The following PTPN21 variants were observed in gnomAD, a reference collection of about 807,000 sequenced individuals.
The protein encoded by PTPN21 is tyrosine-protein phosphatase non-receptor type 21.
A neutral mutation model predicts 131.8 loss-of-function variants in PTPN21; 77 were observed. The ratio of observed to expected loss-of-function variants is 0.58; its 90% CI spans 0.49 to 0.71. The LOEUF (loss-of-function observed/expected upper bound fraction) is 0.71, where lower values mean the gene tolerates loss of function less well. PTPN21 is among the 30% of genes least tolerant of loss of function. The pLI, the probability that PTPN21 is intolerant of heterozygous loss-of-function variation, is 0.00. For missense variants in PTPN21, 1,552 were observed against 1,527.1 expected (o/e 1.02, Z -0.27); for synonymous variants, 715 against 621.3 (o/e 1.15, Z -2.24).
chr14:88,541,109 C>T (rs1232768844), intron 2 of PTPN21, among the ~76,000 whole-genome samples: 4 of 152,190 alleles, frequency 2.6e-5, no homozygotes, highest in Admixed American at 6.5e-5. Context: ...ACACTATACA[C>T]CTTTTAATGA....
chr14:88,467,925 C>T lies in PTPN21; in HGVS notation c.*212G>A, dbSNP rs1037329741. On this transcript the variant is annotated 3_prime_UTR_variant, in exon 19 of 19. Coordinates refer to ENST00000556564, the MANE Select transcript of PTPN21 (RefSeq NM_007039.4). ...CAGGGCAAGGCCCTTGAAACCAAGT[C>T]CTCCTTGAGCACCTTTCCCAGGTTA... 2 of 656,276 alleles carry T rather than the reference C, an allele frequency of 3.0e-6. No individual in the cohort carries two copies. The highest frequency in any genetic ancestry group is 5.2e-5 in the Admixed American group (2 of 38,658). 40.7% of individuals were successfully genotyped at this position (656,276 alleles called of 1,614,324 possible).
chr14:88,530,911 C>T (rs1173667401), intron 2 of PTPN21, among the ~76,000 whole-genome samples: 1 of 152,112 alleles, frequency 6.6e-6, no homozygotes, highest in Non-Finnish European at 1.5e-5. Flanking sequence ...AAACAATGGA[C>T]TTAAACTATA....
rs2077854799 is a variant in PTPN21, at chr14:88,493,428, CATG to C, written c.932+2982_932+2984del. On this transcript the variant is annotated intron_variant, in intron 10 of 18. Coordinates refer to ENST00000556564, the MANE Select transcript of PTPN21 (RefSeq NM_007039.4). Reference sequence around the variant, plus strand: ...CAAAGGCCTGGGCTGGGGGCATTCACATGATAAGGAAAGATGCCTTCCTGGAGT... The same window carrying C: ...CAAAGGCCTGGGCTGGGGGCATTCACATAAGGAAAGATGCCTTCCTGGAGT... 2.6e-5 allele frequency among the ~76,000 whole-genome samples: 4 copies of C among 152,266 alleles called. No homozygotes were observed. The South Asian group carries it at 8.3e-4, about 32-fold the overall frequency.
At chr14:88,530,857 A>C (rs1242568618) in intron 2 of PTPN21, among the ~76,000 whole-genome samples, 1 of 152,208 alleles carries the variant, frequency 6.6e-6, no homozygotes, top group Non-Finnish European at 1.5e-5. Flanking sequence ...TCAATACTCC[A>C]CTGACAGCAC....
chr14:88,486,687 A>C (rs2077738343), intron 10 of PTPN21, among the ~76,000 whole-genome samples: 1 of 152,164 alleles, frequency 6.6e-6, no homozygotes, highest in African/African-American at 2.4e-5. Flanking sequence ...TTTTTAAAAA[A>C]ACACCTAAGG....
rs956439767 is a variant in PTPN21 at position 88,466,079 on chromosome 14, G to C, written c.*2058C>G. On this transcript the variant is annotated 3_prime_UTR_variant, in exon 19 of 19. Coordinates refer to ENST00000556564, the MANE Select transcript of PTPN21 (RefSeq NM_007039.4). Reference sequence around the variant, plus strand: ...ACAAAAACGTACCATGGAGAGGGAGGGGGAGGGGAAGAAGCACTTTTTCTA... The same window carrying C: ...ACAAAAACGTACCATGGAGAGGGAGCGGGAGGGGAAGAAGCACTTTTTCTA... 1 of 151,936 alleles carries C rather than the reference G, an allele frequency of 6.6e-6. No homozygotes were observed. The highest frequency in any genetic ancestry group is 1.5e-5 in the Non-Finnish European group (1 of 67,988). The allele number at this position is 151,936 out of a possible 1,614,324, so 9.4% of individuals were successfully genotyped here.
chr14:88,495,915 C>A (rs967247701), intron 10 of PTPN21, among the ~76,000 whole-genome samples: 1 of 152,180 alleles, frequency 6.6e-6, no homozygotes, highest in African/African-American at 2.4e-5. Flanking sequence ...GCATACACAA[C>A]TCTCTTGAGG....
Position 88,497,247 on chromosome 14 carries a change from C to CA in PTPN21, c.807dup (p.Ala270CysfsTer7). The CA allele has an allele frequency of 6.2e-7, 1 of 1,613,106 alleles. No homozygotes were observed. Among genetic ancestry groups the CA allele is most frequent in the Non-Finnish European group, 8.5e-7 (1 of 1,179,358 alleles). On this transcript the variant is annotated frameshift_variant, in exon 9 of 19. Transcript: ENST00000556564. LOFTEE classifies it high-confidence loss of function. Reference sequence around the variant, plus strand: ...TCCTCTTTATTTGCCAGCTCTAATGCAAAAAAGGACTTGTTGTGGGACATG... The same window carrying CA: ...TCCTCTTTATTTGCCAGCTCTAATGCAAAAAAAGGACTTGTTGTGGGACATG...
intron 2 of PTPN21, among the ~76,000 whole-genome samples, chr14:88,527,530 T>A (rs1333080193): frequency 6.6e-6 from 1 of 152,208 alleles, no homozygotes; most frequent in Middle Eastern, 3.2e-3. Flanking sequence ...CTGCTTTGTC[T>A]GAGTTCCTTG....
chr14:88,479,620 T>C lies in PTPN21; in HGVS notation c.1811A>G (p.Gln604Arg). 1 of 1,576,534 alleles carries C rather than the reference T, an allele frequency of 6.3e-7. No individual in the cohort carries two copies. Among genetic ancestry groups the C allele is most frequent in the Non-Finnish European group, 8.6e-7 (1 of 1,166,718 alleles). ...LITRRVHHSVQTFQEDSLPVA... is the reference protein window; with the variant it reads ...LITRRVHHSVRTFQEDSLPVA... ...GGGCAGGCTGTCCTCCTGGAACGTT[T>C]GCACCGAGTGGTGCACGCGCCGCGT... The change falls in exon 13 of 19, where the codon CAA becomes CGA. Residue 604 changes from glutamine (Q) to arginine (R), a missense_variant. Gln to Arg is a conservative substitution (Grantham distance 43, BLOSUM62 1). Around this residue, in one of 4 missense-constraint regions of PTPN21, gnomAD observed 1,016 missense variants for 883.5 expected, o/e 1.15. Transcript: ENST00000556564.
chr14:88,544,269 C>T (rs967105152), intron 2 of PTPN21, among the ~76,000 whole-genome samples: 4 of 151,934 alleles, frequency 2.6e-5, no homozygotes, highest in Non-Finnish European at 5.9e-5. Context: ...CGCTTGAACC[C>T]GGGAGGCGGA....
intron 2 of PTPN21, among the ~76,000 whole-genome samples, chr14:88,538,151 G>T (rs2078655945): frequency 6.6e-6 from 1 of 152,176 alleles, no homozygotes; most frequent in African/African-American, 2.4e-5. Context: ...TATAAAGGTT[G>T]TTTAGTTTAC....
At chr14:88,470,298 A>C (rs940589473) in intron 15 of PTPN21, 8 of 488,514 alleles carry the variant, frequency 1.6e-5, no homozygotes, top group Non-Finnish European at 2.9e-5. Context: ...AACCTGTTTA[A>C]CCTTGCTGAA....
In PTPN21 at chr14:88,478,999, C is replaced by G; in HGVS notation, c.2432G>C (p.Arg811Thr). 1 of 1,597,216 alleles carries G rather than the reference C, an allele frequency of 6.3e-7. No individual in the cohort carries two copies. The highest frequency in any genetic ancestry group is 8.5e-7 in the Non-Finnish European group (1 of 1,173,024). The change falls in exon 13 of 19, where the codon AGG becomes ACG. Residue 811 changes from arginine to threonine, a missense_variant. This residue lies in a region of PTPN21 where 1,016 missense variants were observed against 883.5 expected (regional missense o/e 1.15). Transcript: ENST00000556564. Reference sequence around the variant, plus strand: ...CACCGGCCTTTTCTTCAGAGAGTCCCTCCGGGCTCGGTAGCGGCCTGACGT... The same window carrying G: ...CACCGGCCTTTTCTTCAGAGAGTCCGTCCGGGCTCGGTAGCGGCCTGACGT... ...LTTSGRYRAR[R>T]DSLKKRPVSD... is the part of the protein sequence containing the mutation.
chr14:88,544,947 C>T (rs1370721065), intron 2 of PTPN21, among the ~76,000 whole-genome samples: 7 of 152,064 alleles, frequency 4.6e-5, no homozygotes, highest in African/African-American at 1.7e-4. Flanking sequence ...CCTGTCTCAG[C>T]CTCCCAAGTA....
intron 8 of PTPN21, among the ~76,000 whole-genome samples, chr14:88,498,506 A>G (rs1365942777): frequency 6.6e-6 from 1 of 152,212 alleles, no homozygotes; most frequent in Non-Finnish European, 1.5e-5. Flanking sequence ...TCATTCAACA[A>G]AATAAAAGAC....
chr14:88,531,836 G>T (rs891850697), intron 2 of PTPN21, among the ~76,000 whole-genome samples: 1 of 151,962 alleles, frequency 6.6e-6, no homozygotes, highest in Non-Finnish European at 1.5e-5. Context: ...CTTTGAAAAG[G>T]TAAACAAAAT....
At chr14:88,517,578 TAAC>T (rs983205843) in intron 2 of PTPN21, among the ~76,000 whole-genome samples, 2 of 150,882 alleles carry the variant, frequency 1.3e-5, no homozygotes, top group African/African-American at 2.4e-5. Flanking sequence ...ATGCAGATTT[TAAC>T]AACAACAAAA....
At chr14:88,481,035 C>CT (rs1471948764) in intron 12 of PTPN21, among the ~76,000 whole-genome samples, 12 of 152,172 alleles carry the variant, frequency 7.9e-5, no homozygotes, top group Admixed American at 7.9e-4. Context: ...GCATGTGTCC[C>CT]TGCCCAGGGA....
Sources: gnomAD v4.1 joint callset for allele counts (sites outside exome capture counted in the v4.1 genomes callset) on GRCh38, gnomAD v4.1.1 for gene constraint, gnomAD v4.1.1 regional missense constraint, MANE v1.5 for transcripts, NCBI Gene and HGNC (gene_info 2026-07-23, HGNC 2026-07-21) for gene names.